HNF4A: variants seen among roughly 807,000 people sequenced by gnomAD.
HNF4A encodes the protein hepatocyte nuclear factor 4-alpha.
Under a neutral mutation model 52.4 loss-of-function variants are expected in HNF4A, and 15 were observed. That is an observed-to-expected ratio of 0.29 (90% CI 0.19 to 0.44). HNF4A has a LOEUF of 0.44. Among genes scored for constraint, HNF4A ranks in the 20% least tolerant of loss-of-function variants. The probability of loss-of-function intolerance (pLI) is 1.00; values close to 1 mark genes in which losing one functional copy is unlikely to be tolerated. For synonymous variants in HNF4A, 280 were observed against 264.4 expected (o/e 1.06, Z -0.57); for missense variants, 479 against 647.2 (o/e 0.74, Z 2.82).
At chr20:44,428,231 A>G (rs2063834706) in intron 8 of HNF4A, 104 bp from the exon 9 acceptor site, 3 of 1,179,156 alleles carry the variant, frequency 2.5e-6, no homozygotes, top group Non-Finnish European at 3.8e-6. Context: ...CACTGCCAAT[A>G]TTGGATGGGC....
At chr20:44,400,945 T>C (rs2063399064), upstream of HNF4A, among the ~76,000 whole-genome samples, 1 of 151,982 alleles carries the variant, frequency 6.6e-6, no homozygotes, top group Non-Finnish European at 1.5e-5. Context: ...ATAGTATCAG[T>C]TAGAATGCCT....
chr20:44,373,431 C>T (rs1411804731), intron 1 of HNF4A, among the ~76,000 whole-genome samples: 1 of 152,188 alleles, frequency 6.6e-6, no homozygotes, highest in Admixed American at 6.5e-5. Flanking sequence ...AACTCAGCCT[C>T]CCAAAGCACT....
intron 1 of HNF4A, among the ~76,000 whole-genome samples, chr20:44,403,396 T>C (rs1190316077): frequency 3.9e-5 from 6 of 152,136 alleles, no homozygotes; most frequent in Admixed American, 3.9e-4. Context: ...AGAGGATAAA[T>C]AAGATGAGGT....
intron 2 of HNF4A, 52 bp downstream of exon 2, chr20:44,406,284 G>GC (rs1184465562): frequency 6.5e-7 from 1 of 1,541,892 alleles, no homozygotes; most frequent in Admixed American, 1.8e-5. Context: ...TGGGCTCATG[G>GC]CCCCAAGGTC....
chr20:44,364,624 C>T (rs748342624), intron 1 of HNF4A, among the ~76,000 whole-genome samples: 4 of 152,164 alleles, frequency 2.6e-5, no homozygotes, highest in East Asian at 3.9e-4. Context: ...TGCCCACCAC[C>T]GCGGCCAGCT....
chr20:44,370,267 C>A (rs2063020257), intron 1 of HNF4A, among the ~76,000 whole-genome samples: 1 of 152,088 alleles, frequency 6.6e-6, no homozygotes, highest in Non-Finnish European at 1.5e-5. Flanking sequence ...GACCTTGTGA[C>A]CTGCCCGCCT....
chr20:44,373,377 T>C (rs917319165), intron 1 of HNF4A, among the ~76,000 whole-genome samples: 2 of 152,174 alleles, frequency 1.3e-5, no homozygotes, highest in African/African-American at 4.8e-5. Flanking sequence ...TCTTACTGTG[T>C]TGCCCAGGCT....
chr20:44,401,577 GGA>G (rs1320123794), intron 1 of HNF4A: 2 of 1,494,270 alleles, frequency 1.3e-6, no homozygotes, highest in Non-Finnish European at 1.8e-6. Context: ...CTTTGGGGTG[GGA>G]GGAGAATGAT....
intron 4 of HNF4A, 23 bp downstream of exon 4, chr20:44,413,823 CA>C: frequency 6.7e-7 from 1 of 1,503,314 alleles, no homozygotes; most frequent in Non-Finnish European, 9.2e-7. Flanking sequence ...TCCTGCCACC[CA>C]CCCAGGGATC....
chr20:44,397,853 C>G (rs2063367404), upstream of HNF4A, among the ~76,000 whole-genome samples: 1 of 152,134 alleles, frequency 6.6e-6, no homozygotes, highest in Non-Finnish European at 1.5e-5. Context: ...TCTTGAACTC[C>G]TGACCTCAGG....
intron 5 of HNF4A, among the ~76,000 whole-genome samples, chr20:44,415,272 A>G (rs1397819271): frequency 1.3e-5 from 2 of 152,230 alleles, no homozygotes; most frequent in African/African-American, 4.8e-5. Flanking sequence ...CACAGTGGCC[A>G]GACCAGAGCT....
At chr20:44,412,497 A>T (rs899119311) in intron 3 of HNF4A, among the ~76,000 whole-genome samples, 8 of 151,926 alleles carry the variant, frequency 5.3e-5, no homozygotes, top group Non-Finnish European at 1.0e-4. Context: ...TCGCGGACAG[A>T]GTGTGTAGGG....
chr20:44,424,181 C>T lies in HNF4A; in HGVS notation c.1056C>T (p.Ile352=), dbSNP rs534709673. 2.5e-5 allele frequency: 41 copies of T among 1,613,844 alleles called. No homozygotes were observed. The Middle Eastern group carries it at 8.2e-4, about 32-fold the overall frequency. Reference sequence around the variant, plus strand: ...TGCAGAGCATCACCTGGCAGATGATCGAGCAGATCCAGTTCATCAAGCTCT... The same window carrying T: ...TGCAGAGCATCACCTGGCAGATGATTGAGCAGATCCAGTTCATCAAGCTCT... The change falls in exon 8 of 10, where the codon ATC becomes ATT. Residue 352 remains isoleucine (I), a synonymous_variant. Transcript: ENST00000316099.
chr20:44,362,418 TAA>T (rs36103037), intron 1 of HNF4A, among the ~76,000 whole-genome samples: 37,050 of 103,304 alleles, frequency 0.36, 5,953 homozygotes, highest in East Asian at 0.47. Context: ...AAACTTGTCT[TAA>T]AAAAAAAAAA....
At chr20:44,422,872 T>C (rs568741668) in intron 7 of HNF4A, among the ~76,000 whole-genome samples, 8 of 149,874 alleles carry the variant, frequency 5.3e-5, no homozygotes, top group Admixed American at 4.0e-4. Flanking sequence ...AGAGATGGGG[T>C]TTCACCATAT....
intron 1 of HNF4A, among the ~76,000 whole-genome samples, chr20:44,381,718 C>A (rs2063156450): frequency 6.6e-6 from 1 of 152,160 alleles, no homozygotes; most frequent in Non-Finnish European, 1.5e-5. Context: ...TCAAGTGATT[C>A]TTGTGCCTCA....
chr20:44,426,583 C>T (rs1042812737), intron 8 of HNF4A, among the ~76,000 whole-genome samples: 2 of 152,008 alleles, frequency 1.3e-5, no homozygotes, highest in African/African-American at 4.8e-5. Context: ...GCGGGTGGAT[C>T]ACTTGAGGCT....
Position 44,368,158 on chromosome 20 carries a change from A to ATTTTTTTTTTT in HNF4A, c.49+12306_49+12307insTTTTTTTTTTT, listed in dbSNP as rs1477714904. Among the ~76,000 whole-genome samples the ATTTTTTTTTTT allele has an allele frequency of 1.3e-3, 17 of 13,214 alleles. 1 individual carries two copies. The highest frequency in any genetic ancestry group is 5.9e-3 in the East Asian group (2 of 340). 8.7% of individuals were successfully genotyped at this position (13,214 alleles called of 152,430 possible). On this transcript the variant is annotated intron_variant, in intron 1 of 9. Coordinates refer to the HNF4A transcript ENST00000316673. ...TGTATATACATATATATATATATAT[A>ATTTTTTTTTTT]TATTTTTTTTTTTTTTTTTTTTTTT...
At chr20:44,369,398 C>G (rs1485065643) in intron 1 of HNF4A, among the ~76,000 whole-genome samples, 2 of 151,432 alleles carry the variant, frequency 1.3e-5, no homozygotes, top group Admixed American at 6.6e-5. Flanking sequence ...CCACTGCACT[C>G]CAGCTTGGAT....
Sources: allele counts gnomAD v4.1 joint callset (sites outside exome capture counted in the v4.1 genomes callset), GRCh38; gene constraint gnomAD v4.1.1; transcripts MANE v1.5; gene names NCBI Gene and HGNC (gene_info 2026-07-23, HGNC 2026-07-21).